Variants in TRPC4 observed in about 807,000 individuals in gnomAD.
The protein encoded by TRPC4 is transient receptor potential cation channel subfamily C member 4, also known as short transient receptor potential channel 4.
Under a neutral mutation model 99.4 loss-of-function variants are expected in TRPC4, and 49 were observed. The ratio of observed to expected loss-of-function variants is 0.49; its 90% CI spans 0.39 to 0.63. The LOEUF (loss-of-function observed/expected upper bound fraction) is 0.63. TRPC4 is among the 20% of genes least tolerant of loss of function. The pLI is 0.00. For synonymous variants in TRPC4, 454 were observed against 425.9 expected, an observed-to-expected ratio of 1.07 and a Z score of -0.81; for missense variants, 898 against 1,152.9, an observed-to-expected ratio of 0.78 and a Z score of 3.20.
chr13:37,831,031 A>C (rs1412854997), intron 1 of TRPC4, among the ~76,000 whole-genome samples: 1 of 149,486 alleles, frequency 6.7e-6, no homozygotes, highest in East Asian at 1.9e-4. Context: ...AGATTTGCAA[A>C]TATTTTCTCC....
Position 37,663,533 on chromosome 13 carries a change from C to A in TRPC4, c.1571G>T (p.Cys524Phe). The change falls in exon 6 of 11, where the codon TGC becomes TTC. Residue 524 changes from cysteine (C) to phenylalanine (F), a missense_variant. Coordinates refer to ENST00000379705, the MANE Select transcript of TRPC4 (RefSeq NM_016179.4). ...ATTTGCAAATGCTAGCAACACAAGG[C>A]AGTATATGAATAGAAACTTCAAAAT... Reference protein sequence around the residue: ...LDILKFLFIYCLVLLAFANGL... With the variant: ...LDILKFLFIYFLVLLAFANGL... The A allele has an allele frequency of 6.2e-7, 1 of 1,614,176 alleles. No individual in the cohort carries two copies. Among genetic ancestry groups the A allele is most frequent in the Non-Finnish European group, 8.5e-7 (1 of 1,180,018 alleles).
chr13:37,781,346 G>A (rs1355757022), intron 2 of TRPC4, among the ~76,000 whole-genome samples: 1 of 152,036 alleles, frequency 6.6e-6, no homozygotes, highest in Non-Finnish European at 1.5e-5. Context: ...TAAAATAAGA[G>A]AGTGTACAAT....
At chr13:37,741,407 G>A (rs1368515948) in intron 3 of TRPC4, among the ~76,000 whole-genome samples, 1 of 152,028 alleles carries the variant, frequency 6.6e-6, no homozygotes, top group Admixed American at 6.6e-5. Flanking sequence ...TTACACACAG[G>A]GCAAGAATCA....
At chr13:37,768,529 CTT>C (rs1345527604) in intron 2 of TRPC4, among the ~76,000 whole-genome samples, 1 of 151,168 alleles carries the variant, frequency 6.6e-6, no homozygotes, top group Admixed American at 6.6e-5. Flanking sequence ...AGAAAAAGGA[CTT>C]TTTTCTCTAT....
chr13:37,651,141 T>C, intron 8 of TRPC4, 124 bp downstream of exon 8: 1 of 1,055,176 alleles, frequency 9.5e-7, no homozygotes, highest in South Asian at 1.6e-5. Context: ...GTGTTATAAA[T>C]GTTCATGACA....
At chr13:37,796,096 A>G (rs1957237330) in intron 1 of TRPC4, among the ~76,000 whole-genome samples, 1 of 152,192 alleles carries the variant, frequency 6.6e-6, no homozygotes, top group Admixed American at 6.5e-5. Flanking sequence ...CAAGAGTTCT[A>G]GCAGAGATGC....
At chr13:37,798,125 C>T (rs1957305001) in intron 1 of TRPC4, among the ~76,000 whole-genome samples, 1 of 152,038 alleles carries the variant, frequency 6.6e-6, no homozygotes, top group Admixed American at 6.6e-5. Flanking sequence ...GTGTATTTTC[C>T]ATCAAATCTT....
chr13:37,711,734 T>C (rs9548029), intron 3 of TRPC4, among the ~76,000 whole-genome samples: 49,430 of 151,878 alleles, frequency 0.33, 8,812 homozygotes, highest in Middle Eastern at 0.44. Flanking sequence ...ACCAGTAAAC[T>C]ATAGACATTT....
intron 1 of TRPC4, among the ~76,000 whole-genome samples, chr13:37,842,125 C>G (rs1958747250): frequency 1.3e-5 from 2 of 151,504 alleles, no homozygotes; most frequent in South Asian, 4.2e-4. Flanking sequence ...CAAAAATTAG[C>G]TGGGTGTGGT....
chr13:37,868,071 G>A (rs1294209877), intron 1 of TRPC4, among the ~76,000 whole-genome samples: 1 of 151,996 alleles, frequency 6.6e-6, no homozygotes, highest in Non-Finnish European at 1.5e-5. Context: ...GTCTCTTACT[G>A]GTCTAATAAT....
chr13:37,746,456 CTA>C lies in TRPC4; in HGVS notation c.379-3_379-2del. ...GCTTATCAAGGAGTATAGGAGGCAC[CTA>C]AAAAAAAAAAAGGCAGAGGTGATGA... On this transcript the variant is annotated splice_acceptor_variant and splice_polypyrimidine_tract_variant and intron_variant, in intron 2 of 10. Coordinates refer to ENST00000379705, the MANE Select transcript of TRPC4 (RefSeq NM_016179.4). LOFTEE classifies it high-confidence loss of function. 7.0e-7 allele frequency: 1 copy of C among 1,424,372 alleles called. No homozygotes were observed. 88.2% of individuals were successfully genotyped at this position (1,424,372 alleles called of 1,614,324 possible). A position where few individuals can be genotyped will look rare whatever the true frequency, so the allele number is the denominator to read the frequency against.
At chr13:37,848,334 T>C (rs986801610) in intron 1 of TRPC4, among the ~76,000 whole-genome samples, 9 of 152,158 alleles carry the variant, frequency 5.9e-5, no homozygotes, top group African/African-American at 1.9e-4. Flanking sequence ...ATGTACAGTA[T>C]ATCTTTTTGT....
chr13:37,796,585 A>G (rs1366936163), intron 1 of TRPC4, among the ~76,000 whole-genome samples: 1 of 152,114 alleles, frequency 6.6e-6, no homozygotes, highest in Non-Finnish European at 1.5e-5. Context: ...ACCAGCTCTC[A>G]GGGAGTTCTT....
chr13:37,864,739 C>A (rs1593344567), intron 1 of TRPC4, among the ~76,000 whole-genome samples: 1 of 151,526 alleles, frequency 6.6e-6, no homozygotes. Flanking sequence ...ATACTTGGGA[C>A]ATCTGGAGAA....
At chr13:37,755,809 C>T (rs1956082052) in intron 2 of TRPC4, among the ~76,000 whole-genome samples, 1 of 152,114 alleles carries the variant, frequency 6.6e-6, no homozygotes, top group African/African-American at 2.4e-5. Context: ...ACTTCTGTGA[C>T]TCAAATGCCT....
intron 6 of TRPC4, among the ~76,000 whole-genome samples, chr13:37,661,142 C>T (rs1924290): frequency 0.37 from 56,711 of 151,976 alleles, 11,035 homozygotes; most frequent in African/African-American, 0.44. Context: ...TTATATGTTG[C>T]TTTTCATGAC....
At chr13:37,736,718 G>GA (rs1367739700) in intron 3 of TRPC4, among the ~76,000 whole-genome samples, 1 of 151,636 alleles carries the variant, frequency 6.6e-6, no homozygotes, top group Non-Finnish European at 1.5e-5. Context: ...ATAGACTTAA[G>GA]AAAAACAAAC....
At chr13:37,809,409 AT>A (rs1957614806) in intron 1 of TRPC4, among the ~76,000 whole-genome samples, 2 of 149,582 alleles carry the variant, frequency 1.3e-5, no homozygotes, top group Non-Finnish European at 3.0e-5. Context: ...TGGATATCTT[AT>A]TTTGATGGAA....
intron 1 of TRPC4, among the ~76,000 whole-genome samples, chr13:37,819,188 G>A (rs1371557476): frequency 6.6e-6 from 1 of 151,978 alleles, no homozygotes; most frequent in Non-Finnish European, 1.5e-5. Flanking sequence ...ACAGATGCTG[G>A]TGAGGTTGTA....
Sources: allele counts gnomAD v4.1 joint callset (sites outside exome capture counted in the v4.1 genomes callset), GRCh38; gene constraint gnomAD v4.1.1; transcripts MANE v1.5; gene names NCBI Gene and HGNC (gene_info 2026-07-23, HGNC 2026-07-21).